Variants in TCF7L2 observed in about 807,000 individuals in gnomAD.
The protein encoded by TCF7L2 is transcription factor 7-like 2.
A neutral mutation model predicts 77.9 loss-of-function variants in TCF7L2; 23 were observed. The ratio of observed to expected loss-of-function variants is 0.30; its 90% confidence interval spans 0.21 to 0.42. The LOEUF (loss-of-function observed/expected upper bound fraction) is 0.42. Among genes scored for constraint, TCF7L2 ranks in the 10% least tolerant of loss-of-function variants. TCF7L2 has a pLI of 1.00. For missense variants in TCF7L2, 654 were observed against 793.1 expected, an observed-to-expected ratio of 0.82 and a Z score of 2.11; for synonymous variants, 413 against 340.2, an observed-to-expected ratio of 1.21 and a Z score of -2.36.
chr10:113,026,546 T>TAAGAG (rs1564799670), intron 4 of TCF7L2, among the ~76,000 whole-genome samples: 2 of 152,322 alleles, frequency 1.3e-5, no homozygotes, highest in East Asian at 3.9e-4. Context: ...GGTCCGTCTG[T>TAAGAG]AAGAGAGGGC....
chr10:112,994,054 C>CAATAAAAAAA (rs2043053185), intron 4 of TCF7L2, among the ~76,000 whole-genome samples: 1 of 111,680 alleles, frequency 9.0e-6, no homozygotes. Context: ...GACTCTGTCT[C>CAATAAAAAAA]AAAAAAAAAA....
chr10:113,153,213 C>A (rs552538332), intron 11 of TCF7L2, among the ~76,000 whole-genome samples: 1 of 152,228 alleles, frequency 6.6e-6, no homozygotes, highest in Non-Finnish European at 1.5e-5. Context: ...CCCATGAGCA[C>A]GCTGTCTTCC....
intron 5 of TCF7L2, chr10:113,129,904 T>G (rs763311991): frequency 1.6e-5 from 21 of 1,292,990 alleles, no homozygotes; most frequent in Non-Finnish European, 2.1e-5. Flanking sequence ...AATGGAAGAT[T>G]TGAGTGGTAA....
chr10:112,951,700 G>A (rs900803117), intron 3 of TCF7L2, 93 bp downstream of exon 3: 8 of 523,418 alleles, frequency 1.5e-5, no homozygotes, highest in African/African-American at 6.0e-5. Context: ...CCCCCTCCCC[G>A]CCTCCCCCTC....
At chr10:113,147,747 T>C (rs1297821244) in intron 8 of TCF7L2, among the ~76,000 whole-genome samples, 1 of 152,144 alleles carries the variant, frequency 6.6e-6, no homozygotes, top group Admixed American at 6.5e-5. Flanking sequence ...GTTTGTTTAT[T>C]TGGTGCGTTC....
intron 5 of TCF7L2, chr10:113,126,995 A>C: frequency 2.2e-6 from 2 of 908,228 alleles, no homozygotes; most frequent in Non-Finnish European, 2.6e-6. Flanking sequence ...GCATGCTCTC[A>C]GCCTTTGCCA....
At chr10:113,017,420 C>G (rs1350340088) in intron 4 of TCF7L2, among the ~76,000 whole-genome samples, 1 of 152,278 alleles carries the variant, frequency 6.6e-6, no homozygotes, top group Non-Finnish European at 1.5e-5. Context: ...TGCCCACTTC[C>G]TCCTCGGGTG....
chr10:113,023,536 A>G (rs533367064), intron 4 of TCF7L2, among the ~76,000 whole-genome samples: 4 of 152,164 alleles, frequency 2.6e-5, no homozygotes, highest in Non-Finnish European at 5.9e-5. Flanking sequence ...CAGTGGCACG[A>G]TCTCAGCTCA....
At chr10:113,163,314 A>T (rs1261450361) in intron 13 of TCF7L2, among the ~76,000 whole-genome samples, 2 of 152,110 alleles carry the variant, frequency 1.3e-5, no homozygotes, top group Non-Finnish European at 2.9e-5. Flanking sequence ...TTTTAACAAG[A>T]TTCTGTTTTG....
chr10:112,964,505 C>G, intron 3 of TCF7L2, 51 bp from the exon 4 acceptor site: 3 of 1,554,276 alleles, frequency 1.9e-6, no homozygotes, highest in Non-Finnish European at 2.7e-6. Flanking sequence ...AAGATGTTTT[C>G]TTGTAGTTTG....
intron 5 of TCF7L2, among the ~76,000 whole-genome samples, chr10:113,076,100 C>T: frequency 7.0e-6 from 1 of 141,992 alleles, no homozygotes; most frequent in East Asian, 2.0e-4. Flanking sequence ...CACGCCACTG[C>T]ACTCCAGCGT....
At chr10:113,032,352 C>T (rs1007584371) in intron 4 of TCF7L2, among the ~76,000 whole-genome samples, 1 of 152,168 alleles carries the variant, frequency 6.6e-6, no homozygotes, top group African/African-American at 2.4e-5. Flanking sequence ...CAGTGAATCC[C>T]AAGTTTTGTT....
intron 5 of TCF7L2, among the ~76,000 whole-genome samples, chr10:113,100,725 A>G (rs1397044400): frequency 2.6e-5 from 4 of 152,124 alleles, no homozygotes; most frequent in Non-Finnish European, 5.9e-5. Flanking sequence ...TTCTTTTTTC[A>G]TGTTGTGTGG....
intron 5 of TCF7L2, among the ~76,000 whole-genome samples, chr10:113,121,027 G>A (rs2064679014): frequency 6.6e-6 from 1 of 152,182 alleles, no homozygotes; most frequent in East Asian, 1.9e-4. Context: ...AGCAAAGAGG[G>A]AGTATGGTCA....
At chr10:113,068,697 C>T (rs2057562980) in intron 5 of TCF7L2, among the ~76,000 whole-genome samples, 1 of 152,104 alleles carries the variant, frequency 6.6e-6, no homozygotes. Flanking sequence ...CTCTTTCAGG[C>T]TCAGCCATGA....
chr10:113,080,226 A>T (rs1223569006), intron 5 of TCF7L2, among the ~76,000 whole-genome samples: 1 of 151,840 alleles, frequency 6.6e-6, no homozygotes, highest in Non-Finnish European at 1.5e-5. Context: ...GCAAGAGATA[A>T]TTCATCCCAG....
At chr10:113,104,327 T>C (rs150690790) in intron 5 of TCF7L2, among the ~76,000 whole-genome samples, 4 of 152,172 alleles carry the variant, frequency 2.6e-5, no homozygotes, top group African/African-American at 9.7e-5. Flanking sequence ...TCCTGACTTG[T>C]TTAAATTTAT....
intron 3 of TCF7L2, among the ~76,000 whole-genome samples, chr10:112,956,153 G>A (rs2033527320): frequency 6.6e-6 from 1 of 151,954 alleles, no homozygotes; most frequent in South Asian, 2.1e-4. Context: ...TTTTTGTGTG[G>A]ACGCGTGTTT....
At chr10:112,974,353 C>T (rs949967079) in intron 4 of TCF7L2, among the ~76,000 whole-genome samples, 18 of 152,212 alleles carry the variant, frequency 1.2e-4, no homozygotes, top group Non-Finnish European at 2.1e-4. Context: ...AAAAAAACAA[C>T]TGTCGTATCA....
Sources: allele counts gnomAD v4.1 joint callset (sites outside exome capture counted in the v4.1 genomes callset), GRCh38; gene constraint gnomAD v4.1.1; transcripts MANE v1.5; gene names NCBI Gene and HGNC (gene_info 2026-07-23, HGNC 2026-07-21).